Variants in THRSP observed in about 807,000 individuals in gnomAD.
The protein encoded by THRSP is thyroid hormone responsive.
Under a neutral mutation model 11.1 loss-of-function variants are expected in THRSP, and 9 were observed. The ratio of observed to expected loss-of-function variants is 0.81; its 90% confidence interval spans 0.49 to 1.42. The LOEUF (loss-of-function observed/expected upper bound fraction) is 1.42, where lower values mean the gene tolerates loss of function less well. THRSP is among the 40% of genes most tolerant of loss of function. The pLI, the probability that THRSP is intolerant of heterozygous loss-of-function variation, is 0.00. For missense variants in THRSP, 177 were observed against 188.2 expected, an observed-to-expected ratio of 0.94 and a Z score of 0.35; for synonymous variants, 73 against 78.1, an observed-to-expected ratio of 0.94 and a Z score of 0.34.
chr11:78,064,111 G>A lies in THRSP; in HGVS notation c.230G>A (p.Arg77Gln), dbSNP rs954060535. The A allele has an allele frequency of 2.3e-5, 37 of 1,614,040 alleles. No individual in the cohort carries two copies. The highest frequency in any genetic ancestry group is 1.2e-4 in the African/African-American group (9 of 74,910). The stretch of plus-strand genomic sequence containing the variant: ...GATGTGGACCATGGGCTGCTGCCGC[G>A]GGAGGAGTGGCAGGCCAAGGTGGCA... ...CVDVDHGLLP[R>Q]EEWQAKVAGS... Residue 77 changes from arginine to glutamine, a missense_variant, in exon 1 of 2, where the codon CGG becomes CAG. Arg to Gln is a conservative substitution (Grantham distance 43). Coordinates refer to ENST00000281030, the MANE Select transcript of THRSP (RefSeq NM_003251.4).
In THRSP at chr11:78,067,930, C is replaced by T. The variant is rs1007897457; in HGVS notation, c.*291C>T. On this transcript the variant is annotated 3_prime_UTR_variant, in exon 2 of 2. Transcript: ENST00000281030. ...AGGAGGGACTAGACAATTACCTGTC[C>T]AGTGTGGTATGGTAGGAAGAGTGTA... 1.3e-5 allele frequency: 2 copies of T among 152,196 alleles called. No individual in the cohort carries two copies. Among genetic ancestry groups the T allele is most frequent in the Non-Finnish European group, 2.9e-5 (2 of 68,066 alleles). 9.4% of individuals were successfully genotyped at this position (152,196 alleles called of 1,614,324 possible).
chr11:78,065,357 T>C (rs1404915008), intron 1 of THRSP, among the ~76,000 whole-genome samples: 2 of 151,730 alleles, frequency 1.3e-5, no homozygotes, highest in Non-Finnish European at 2.9e-5. Context: ...GGGTGGTGAG[T>C]GTGGATGAGC....
chr11:78,067,610 G>A (rs1369350171), intron 1 of THRSP, 49 bp from the exon 2 acceptor site: 39 of 152,228 alleles, frequency 2.6e-4, no homozygotes, highest in Admixed American at 2.6e-3. Flanking sequence ...TATCTTGGTT[G>A]TTTGAATTGA....
At chr11:78,066,169 C>A (rs915935802) in intron 1 of THRSP, among the ~76,000 whole-genome samples, 1 of 152,142 alleles carries the variant, frequency 6.6e-6, no homozygotes, top group African/African-American at 2.4e-5. Flanking sequence ...ATCATCCCCC[C>A]CCACCTTTTT....
rs1858814207 is a variant in THRSP at position 78,067,897 on chromosome 11, A to G, written c.*258A>G. 6.6e-6 allele frequency: 1 copy of G among 152,314 alleles called. No homozygotes were observed. Among genetic ancestry groups the G allele is most frequent in the African/African-American group, 2.4e-5 (1 of 41,548 alleles). The allele number at this position is 152,314 out of a possible 1,614,324, so 9.4% of individuals were successfully genotyped here. On this transcript the variant is annotated 3_prime_UTR_variant, in exon 2 of 2. Transcript: ENST00000281030. ...CTCTTAACAGCTTGGGGAGGTGACC[A>G]GTGGTTCAGGAGGGACTAGACAATT...
chr11:78,066,270 A>T (rs1858736897), intron 1 of THRSP, among the ~76,000 whole-genome samples: 1 of 152,084 alleles, frequency 6.6e-6, no homozygotes, highest in African/African-American at 2.4e-5. Flanking sequence ...CAGGTTCAAG[A>T]GATTTTCCTC....
chr11:78,067,386 T>C (rs1190739050), intron 1 of THRSP, among the ~76,000 whole-genome samples: 2 of 152,160 alleles, frequency 1.3e-5, no homozygotes. Flanking sequence ...CCTCCCAAAG[T>C]GCTGGGATTA....
Position 78,064,178 on chromosome 11 carries a change from G to A in THRSP, c.297G>A (p.Glu99=), listed in dbSNP as rs1299041274. The part of the protein sequence containing the change: ...ENGTAETEEV[E]DESASGELDL... ...GAACCGCAGAGACAGAGGAAGTCGA[G>A]GACGAGAGTGCCTCAGGAGAGCTGG... Residue 99 remains glutamate, a synonymous_variant, in exon 1 of 2, where the codon GAG becomes GAA. Coordinates refer to ENST00000281030, the MANE Select transcript of THRSP (RefSeq NM_003251.4). 2 of 1,614,028 alleles carry A rather than the reference G, an allele frequency of 1.2e-6. No individual in the cohort carries two copies. The highest frequency in any genetic ancestry group is 1.7e-6 in the Non-Finnish European group (2 of 1,180,022).
intron 1 of THRSP, among the ~76,000 whole-genome samples, chr11:78,065,007 T>G (rs1198370496): frequency 6.6e-6 from 1 of 151,006 alleles, no homozygotes; most frequent in Non-Finnish European, 1.5e-5. Flanking sequence ...AAAAAAAACT[T>G]ACCTAAGGCA....
chr11:78,065,416 G>A lies in THRSP; in HGVS notation c.*19+1075G>A, dbSNP rs536794227. Among the ~76,000 whole-genome samples the A allele has an allele frequency of 3.9e-5, 6 of 152,178 alleles. No individual in the cohort carries two copies. The South Asian group carries it at 1.0e-3, about 26-fold the overall frequency. On this transcript the variant is annotated intron_variant, in intron 1 of 1. Coordinates refer to ENST00000281030, the MANE Select transcript of THRSP (RefSeq NM_003251.4). ...GGCAGAGGGTAGGAGGTGGGAAGGG[G>A]CCCTAGCATGGTCACCACTAGTTCA...
intron 1 of THRSP, among the ~76,000 whole-genome samples, chr11:78,065,010 C>T (rs1203741280): frequency 6.6e-6 from 1 of 151,374 alleles, no homozygotes; most frequent in African/African-American, 2.4e-5. Flanking sequence ...AAAAACTTAC[C>T]TAAGGCATGC....
chr11:78,065,545 T>A (rs1435980240), intron 1 of THRSP, among the ~76,000 whole-genome samples: 1 of 152,216 alleles, frequency 6.6e-6, no homozygotes, highest in African/African-American at 2.4e-5. Flanking sequence ...GTCTCATTAG[T>A]TGTAAACAAC....
Position 78,064,284 on chromosome 11 carries a change from A to G in THRSP, c.403A>G (p.Thr135Ala). Residue 135 changes from threonine to alanine, a missense_variant, in exon 1 of 2, where the codon ACA (threonine) becomes GCA (alanine). Transcript: ENST00000281030. Reference protein sequence around the residue: ...MHLTEKAQEVTRKYQEMTGQV... With the variant: ...MHLTEKAQEVARKYQEMTGQV... Reference sequence around the variant, plus strand: ...CCTCACCGAGAAAGCCCAGGAGGTGACAAGGAAATACCAGGAAATGACGGG... The same window carrying G: ...CCTCACCGAGAAAGCCCAGGAGGTGGCAAGGAAATACCAGGAAATGACGGG... 14 of 1,613,104 alleles carry G rather than the reference A, an allele frequency of 8.7e-6. No individual in the cohort carries two copies. The highest frequency in any genetic ancestry group is 1.2e-5 in the Non-Finnish European group (14 of 1,179,666).
chr11:78,063,920 G>A lies in THRSP; in HGVS notation c.39G>A (p.Leu13=). ...CCAAGCGTTACCCCAAGAACTGCCT[G>A]CTGACCGTCATGGACCGGTATGCAG... ...VLTKRYPKNC[L]LTVMDRYAAE... The change falls in exon 1 of 2, where the codon CTG becomes CTA. Residue 13 remains leucine, a synonymous_variant. Transcript: ENST00000281030. 1 of 1,598,848 alleles carries A rather than the reference G, an allele frequency of 6.3e-7. No individual in the cohort carries two copies. Among genetic ancestry groups the A allele is most frequent in the African/African-American group, 1.3e-5 (1 of 74,564 alleles).
chr11:78,064,218 T>G lies in THRSP; in HGVS notation c.337T>G (p.Phe113Val). The change falls in exon 1 of 2, where the codon TTC becomes GTC. Residue 113 changes from phenylalanine (F) to valine (V), a missense_variant. Coordinates refer to ENST00000281030, the MANE Select transcript of THRSP (RefSeq NM_003251.4). Reference sequence around the variant, plus strand: ...AGGAGAGCTGGACCTGGAAGCCCAGTTCCACCTGCACTTCTCCAGCCTCCA... The same window carrying G: ...AGGAGAGCTGGACCTGGAAGCCCAGGTCCACCTGCACTTCTCCAGCCTCCA... ...ASGELDLEAQ[F>V]HLHFSSLHHI... The G allele has an allele frequency of 1.9e-6, 3 of 1,613,754 alleles. No individual in the cohort carries two copies. Among genetic ancestry groups the G allele is most frequent in the Non-Finnish European group, 2.5e-6 (3 of 1,179,928 alleles).
chr11:78,065,552 C>T (rs1003273209), intron 1 of THRSP, among the ~76,000 whole-genome samples: 1 of 152,198 alleles, frequency 6.6e-6, no homozygotes, highest in South Asian at 2.1e-4. Flanking sequence ...TAGTTGTAAA[C>T]AACATCCACG....
chr11:78,064,416 C>A, intron 1 of THRSP, 75 bp downstream of exon 1: 5 of 1,333,294 alleles, frequency 3.8e-6, no homozygotes, highest in Non-Finnish European at 5.1e-6. Flanking sequence ...AGTGGTGCAA[C>A]CCACTGGGAG....
At chr11:78,067,268 C>T (rs1858785661) in intron 1 of THRSP, among the ~76,000 whole-genome samples, 2 of 152,050 alleles carry the variant, frequency 1.3e-5, no homozygotes, top group South Asian at 2.1e-4. Context: ...ATTACAGGCT[C>T]ACGCCACCAT....
At position 78,064,454 on chromosome 11, in the gene THRSP, C is replaced by T. The variant is rs562250411; in HGVS notation, c.*19+113C>T. 24 of 921,996 alleles carry T rather than the reference C, an allele frequency of 2.6e-5. No homozygotes were observed. The African/African-American group carries it at 3.9e-4, about 15-fold the overall frequency. The allele number at this position is 921,996 out of a possible 1,614,324, so 57.1% of individuals were successfully genotyped here. ...GAACAGCCTGACTTTCAGACAGAGC[C>T]ACTCTTGGGTCAGGGTATTGGGACC... is the stretch of plus-strand genomic sequence containing the variant. On this transcript the variant is annotated intron_variant, in intron 1 of 1. Transcript: ENST00000281030.
Sources: allele counts gnomAD v4.1 joint callset (sites outside exome capture counted in the v4.1 genomes callset), GRCh38; gene constraint gnomAD v4.1.1; transcripts MANE v1.5; gene names NCBI Gene and HGNC (gene_info 2026-07-23, HGNC 2026-07-21).